GLS2: variants seen among roughly 807,000 people sequenced by gnomAD.
GLS2 encodes glutaminase liver isoform, mitochondrial.
GLS2 carries 52 observed loss-of-function variants against 79.0 expected under a neutral mutation model. The ratio of observed to expected loss-of-function variants is 0.66; its 90% CI spans 0.53 to 0.83. The LOEUF is 0.83. Ranked by LOEUF, GLS2 falls within the 40% of genes least tolerant of loss-of-function variation. GLS2 has a pLI of 0.00. For synonymous variants in GLS2, 238 were observed against 280.8 expected, an observed-to-expected ratio of 0.85 and a Z score of 1.52; for missense variants, 561 against 764.8, an observed-to-expected ratio of 0.73 and a Z score of 3.14.
chr12:56,475,664 T>C lies in GLS2; in HGVS notation c.889A>G (p.Lys297Glu). The change falls in exon 9 of 18, where the codon AAA becomes GAA. Residue 297 changes from lysine (K) to glutamate (E), a missense_variant. Physicochemically the swap from Lys to Glu is moderately conservative, Grantham distance 56. This residue lies in a region of GLS2 where 221 missense variants were observed against 275.6 expected (regional missense o/e 0.80). Coordinates refer to ENST00000311966, the MANE Select transcript of GLS2 (RefSeq NM_013267.4). Reference protein sequence around the residue: ...KFDFVLQYLNKMAGNEYMGFS... With the variant: ...KFDFVLQYLNEMAGNEYMGFS... Reference sequence around the variant, plus strand: ...CCCATGTATTCATTCCCAGCCATTTTGTTGAGATACTGCAACACCTGGAAG... The same window carrying C: ...CCCATGTATTCATTCCCAGCCATTTCGTTGAGATACTGCAACACCTGGAAG... 6.2e-7 allele frequency: 1 copy of C among 1,614,242 alleles called. No individual in the cohort carries two copies. Among genetic ancestry groups the C allele is most frequent in the Non-Finnish European group, 8.5e-7 (1 of 1,180,046 alleles).
At chr12:56,487,839 G>A in intron 1 of GLS2, 98 bp downstream of exon 1, 1 of 1,339,764 alleles carries the variant, frequency 7.5e-7, no homozygotes, top group Non-Finnish European at 1.0e-6. Flanking sequence ...GGAGAGGGGA[G>A]ATGAGCGGCG....
At chr12:56,474,140 T>C (rs1483473060) in intron 12 of GLS2, 1 of 188,276 alleles carries the variant, frequency 5.3e-6, no homozygotes, top group Non-Finnish European at 1.1e-5. Flanking sequence ...TTGCCCAGGC[T>C]ACAGTGCAAT....
intron 4 of GLS2, chr12:56,478,492 TA>T (rs1870020730): frequency 3.8e-6 from 2 of 527,060 alleles, no homozygotes; most frequent in Non-Finnish European, 3.4e-6. Flanking sequence ...CAATGGAAGT[TA>T]AAAAAGGAGA....
Position 56,472,205 on chromosome 12 carries a change from G to C in GLS2, c.1512-10C>G. On this transcript the variant is annotated splice_polypyrimidine_tract_variant and intron_variant, in intron 15 of 17. Transcript: ENST00000311966. ...GGCTGACAAGGCAAACCTGAGGGTA[G>C]TGGGAAAGCAGCTAGAGTTGCCTAG... 6.2e-7 allele frequency: 1 copy of C among 1,613,914 alleles called. No homozygotes were observed. The highest frequency in any genetic ancestry group is 8.5e-7 in the Non-Finnish European group (1 of 1,179,778).
At chr12:56,477,626 A>T in intron 7 of GLS2, 34 bp downstream of exon 7, 1 of 1,598,768 alleles carries the variant, frequency 6.3e-7, no homozygotes, top group South Asian at 1.1e-5. Context: ...AGCTTAGAGG[A>T]TAATACCTAT....
chr12:56,472,202 G>A lies in GLS2; in HGVS notation c.1512-7C>T. On this transcript the variant is annotated splice_polypyrimidine_tract_variant and splice_region_variant and intron_variant, in intron 15 of 17. Transcript: ENST00000311966. Reference sequence around the variant, plus strand: ...CATGGCTGACAAGGCAAACCTGAGGGTAGTGGGAAAGCAGCTAGAGTTGCC... The same window carrying A: ...CATGGCTGACAAGGCAAACCTGAGGATAGTGGGAAAGCAGCTAGAGTTGCC... 1 of 1,614,048 alleles carries A rather than the reference G, an allele frequency of 6.2e-7. No homozygotes were observed. The highest frequency in any genetic ancestry group is 8.5e-7 in the Non-Finnish European group (1 of 1,179,912).
chr12:56,472,539 AT>A, intron 15 of GLS2, 150 bp downstream of exon 15: 1 of 680,634 alleles, frequency 1.5e-6, no homozygotes, highest in Non-Finnish European at 2.5e-6. Context: ...TTTAAAAAAA[AT>A]CTCCTTTTTT....
intron 1 of GLS2, among the ~76,000 whole-genome samples, chr12:56,483,368 C>G (rs139787790): frequency 6.6e-6 from 1 of 151,936 alleles, no homozygotes; most frequent in African/African-American, 2.4e-5. Context: ...AGTGAGCCAC[C>G]GCGCCCGGCC....
At chr12:56,483,742 A>C (rs190474720) in intron 1 of GLS2, among the ~76,000 whole-genome samples, 60 of 152,136 alleles carry the variant, frequency 3.9e-4, no homozygotes, top group African/African-American at 1.4e-3. Flanking sequence ...CACCATGCCC[A>C]GTTTTATTTA....
In GLS2 at chr12:56,471,524, T is replaced by C. The variant is rs1475436715; in HGVS notation, c.1772A>G (p.Glu591Gly). The C allele has an allele frequency of 6.2e-7, 1 of 1,613,990 alleles. No individual in the cohort carries two copies. Among genetic ancestry groups the C allele is most frequent in the Non-Finnish European group, 8.5e-7 (1 of 1,179,982 alleles). ...LSETQAEAAAEALSKENLESM... is the reference protein window; with the variant it reads ...LSETQAEAAAGALSKENLESM... ...TTCTAAGTTCTCTTTGGACAGGGCC[T>C]CAGCTGCTGCCTCAGCCTGAGTTTC... is the stretch of plus-strand genomic sequence containing the variant. Residue 591 changes from glutamate (E) to glycine (G), a missense_variant, in exon 18 of 18, where the codon GAG becomes GGG. Coordinates refer to ENST00000311966, the MANE Select transcript of GLS2 (RefSeq NM_013267.4).
intron 4 of GLS2, chr12:56,478,636 A>G (rs2136188543): frequency 3.8e-6 from 1 of 263,168 alleles, no homozygotes; most frequent in Non-Finnish European, 7.3e-6. Flanking sequence ...CCATGTCACC[A>G]TTTACAGAAG....
chr12:56,482,241 A>T (rs994029864), intron 1 of GLS2, among the ~76,000 whole-genome samples: 6 of 152,250 alleles, frequency 3.9e-5, no homozygotes, highest in African/African-American at 1.4e-4. Flanking sequence ...AAAAAAAAAT[A>T]AAGTAAAATA....
At chr12:56,472,035 G>C (rs900929278) in intron 16 of GLS2, 84 bp downstream of exon 16, 14 of 1,469,238 alleles carry the variant, frequency 9.5e-6, no homozygotes, top group Non-Finnish European at 1.3e-5. Flanking sequence ...ATAACCTTGA[G>C]GGCACATATA....
At chr12:56,478,575 G>A (rs546551551) in intron 4 of GLS2, 3 of 340,350 alleles carry the variant, frequency 8.8e-6, no homozygotes, top group East Asian at 6.3e-5. Context: ...GGCTCTATTC[G>A]ATCTTGATTC....
chr12:56,478,669 A>G (rs1469707812), intron 4 of GLS2: 2 of 260,930 alleles, frequency 7.7e-6, no homozygotes, highest in African/African-American at 2.2e-5. Context: ...TCTCTCATTC[A>G]TAGGACTCCC....
intron 1 of GLS2, among the ~76,000 whole-genome samples, chr12:56,483,238 G>A (rs1180698148): frequency 2.0e-5 from 3 of 151,454 alleles, no homozygotes; most frequent in South Asian, 4.2e-4. Context: ...GTGCCACCAC[G>A]CCCAGCTAAT....
Position 56,472,114 on chromosome 12 carries a change from A to G in GLS2, c.1588+5T>C, listed in dbSNP as rs1869333005. ...CTCCTCCTCCCCTCCTTAACCCTTC[A>G]GTACCTTCAGCTGCAGCAACATGCA... On this transcript the variant is annotated splice_donor_5th_base_variant and intron_variant, in intron 16 of 17. Coordinates refer to ENST00000311966, the MANE Select transcript of GLS2 (RefSeq NM_013267.4). 1 of 1,614,094 alleles carries G rather than the reference A, an allele frequency of 6.2e-7. No individual in the cohort carries two copies. Among genetic ancestry groups the G allele is most frequent in the Non-Finnish European group, 8.5e-7 (1 of 1,179,946 alleles).
chr12:56,479,979 C>G, intron 2 of GLS2, 78 bp from the exon 3 acceptor site: 1 of 1,544,808 alleles, frequency 6.5e-7, no homozygotes, highest in Non-Finnish European at 8.8e-7. Flanking sequence ...CCACTGGATA[C>G]CCAATTAGCT....
Position 56,480,358 on chromosome 12 carries a change from C to T in GLS2, c.212G>A (p.Arg71His), listed in dbSNP as rs756555927. 1.7e-5 allele frequency: 28 copies of T among 1,614,084 alleles called. No individual in the cohort carries two copies. The highest frequency in any genetic ancestry group is 8.3e-5 in the Admixed American group (5 of 60,028). Residue 71 changes from arginine to histidine, a missense_variant, in exon 2 of 18, where the codon CGC (arginine) becomes CAC (histidine). Physicochemically the swap from Arg to His is conservative, Grantham distance 29. Around this residue, in one of 4 missense-constraint regions of GLS2, gnomAD observed 161 missense variants for 167.8 expected, o/e 0.96. Transcript: ENST00000311966. ...HDSSESGMLS[R>H]LGDLLFYTIA... The stretch of plus-strand genomic sequence containing the variant: ...AGTGTAAAAGAGCAAATCACCCAGG[C>T]GGGACAGCATGCCACTTTCTGATGA...
Sources: gnomAD v4.1 joint callset for allele counts (sites outside exome capture counted in the v4.1 genomes callset) on GRCh38, gnomAD v4.1.1 for gene constraint, gnomAD v4.1.1 regional missense constraint, MANE v1.5 for transcripts, NCBI Gene and HGNC (gene_info 2026-07-23, HGNC 2026-07-21) for gene names.